Variants in KANK2 observed in about 807,000 individuals in gnomAD.
KANK2 encodes KN motif and ankyrin repeat domain-containing protein 2.
A neutral mutation model predicts 74.6 loss-of-function variants in KANK2; 41 were observed. The observed-to-expected ratio is 0.55, with a 90% CI of 0.43 to 0.71. KANK2 has a LOEUF of 0.71. Ranked by LOEUF, KANK2 falls within the 30% of genes least tolerant of loss-of-function variation. The probability of loss-of-function intolerance (pLI) is 0.00; values close to 1 mark genes in which losing one functional copy is unlikely to be tolerated. For synonymous variants in KANK2, 537 were observed against 519.0 expected, an observed-to-expected ratio of 1.03 and a Z score of -0.47; for missense variants, 1,148 against 1,196.4, an observed-to-expected ratio of 0.96 and a Z score of 0.60.
Position 11,193,154 on chromosome 19 carries a change from C to T in KANK2, c.926G>A (p.Arg309Gln), listed in dbSNP as rs200019100. The T allele has an allele frequency of 1.3e-3, 2,143 of 1,608,898 alleles. 10 individuals carry two copies. Among genetic ancestry groups the T allele is most frequent in the South Asian group, 0.01 (926 of 90,828 alleles). The change falls in exon 4 of 13, where the codon CGG (arginine) becomes CAG (glutamine). Residue 309 changes from arginine (R) to glutamine (Q), a missense_variant. Coordinates refer to ENST00000586659, the MANE Select transcript of KANK2 (RefSeq NM_001136191.3). This position sits in a 1 kb window ranked among gnomAD's most constrained non-coding sequence, Gnocchi z 9.6. ...GGCCTGGGGCTGGGGGTCAGCCTGC[C>T]GGGCCTGAGCTGCCTGCAGCTCCTG... ...ALQELQAAQA[R>Q]QADPQPQAWP...
chr19:11,175,153 G>A (rs1368745965), intron 8 of KANK2, among the ~76,000 whole-genome samples: 2 of 151,802 alleles, frequency 1.3e-5, no homozygotes, highest in African/African-American at 4.8e-5. Flanking sequence ...GAGGCTGAGT[G>A]CAGTGGTTCA....
chr19:11,172,917 C>T lies in KANK2; in HGVS notation c.2211+64G>A. ...AGACCACCTGGGTTTGGGCCTGTCACTCAGCTGGGATGTCATAAAGTAGGA... is the reference window on the plus strand; with the variant it reads ...AGACCACCTGGGTTTGGGCCTGTCATTCAGCTGGGATGTCATAAAGTAGGA... On this transcript the variant is annotated intron_variant, in intron 10 of 12. Coordinates refer to ENST00000586659, the MANE Select transcript of KANK2 (RefSeq NM_001136191.3). 1.9e-6 allele frequency: 3 copies of T among 1,566,328 alleles called. No homozygotes were observed. In the East Asian group the frequency reaches 6.7e-5, roughly 35 times the overall value.
intron 2 of KANK2, 73 bp from the exon 3 acceptor site, chr19:11,194,663 TCCACAGCTGGTTCACCCAGCCCCCC>T: frequency 1.6e-6 from 1 of 607,224 alleles, no homozygotes. Context: ...GCCAGCCCCC[TCCACAGCTGGTTCACCCAGCCCCCC>T]AACCCAGGTC....
At chr19:11,188,515 C>CTT (rs56971061) in intron 4 of KANK2, among the ~76,000 whole-genome samples, 29 of 133,354 alleles carry the variant, frequency 2.2e-4, no homozygotes, top group African/African-American at 6.3e-4. Flanking sequence ...CATGTAAATT[C>CTT]TTTTTTTTTT....
intron 4 of KANK2, among the ~76,000 whole-genome samples, chr19:11,191,909 AT>A (rs1233707706): frequency 6.6e-6 from 1 of 152,170 alleles, no homozygotes; most frequent in East Asian, 1.9e-4. Context: ...AATAAAAAAA[AT>A]TAACGAGGCA....
intron 6 of KANK2, among the ~76,000 whole-genome samples, chr19:11,177,411 A>G (rs2078377474): frequency 6.6e-6 from 1 of 151,836 alleles, no homozygotes; most frequent in Non-Finnish European, 1.5e-5. Context: ...CTAGAGTGCA[A>G]TGGTGTAATC....
intron 4 of KANK2, among the ~76,000 whole-genome samples, chr19:11,189,099 C>CT (rs2078762163): frequency 2.1e-4 from 1 of 4,762 alleles, no homozygotes; most frequent in Admixed American, 2.6e-3. Context: ...TTGATTCTCT[C>CT]CCCCCCCACC....
At chr19:11,178,889 C>T (rs1040593547) in intron 4 of KANK2, among the ~76,000 whole-genome samples, 169 bp from the exon 5 acceptor site, 2 of 152,194 alleles carry the variant, frequency 1.3e-5, no homozygotes, top group Non-Finnish European at 2.9e-5. Context: ...GATGAGGAAA[C>T]TGAGGCACAG....
At chr19:11,194,746 C>T (rs1161564117) in intron 2 of KANK2, 156 bp from the exon 3 acceptor site, 1 of 482,700 alleles carries the variant, frequency 2.1e-6, no homozygotes, top group Admixed American at 3.3e-5. Flanking sequence ...GGAAGGGCCC[C>T]CCCCGACCCC....
chr19:11,180,085 C>A (rs900343098), intron 4 of KANK2, among the ~76,000 whole-genome samples: 1 of 152,148 alleles, frequency 6.6e-6, no homozygotes, highest in Non-Finnish European at 1.5e-5. Flanking sequence ...TGGTCTTGAA[C>A]TCCTGAGCTC....
intron 4 of KANK2, among the ~76,000 whole-genome samples, chr19:11,189,603 C>CAAAAAAAAAA (rs56203270): frequency 7.0e-5 from 3 of 43,126 alleles, no homozygotes; most frequent in Non-Finnish European, 1.2e-4. Context: ...GACTCTGTCT[C>CAAAAAAAAAA]AAAAAAAAAA....
In KANK2 at chr19:11,173,879, G is replaced by A. The variant is rs78168361; in HGVS notation, c.2068+594C>T. 7.8e-4 allele frequency among the ~76,000 whole-genome samples: 119 copies of A among 152,216 alleles called. 1 individual carries two copies. The East Asian group carries it at 0.012, about 15-fold the overall frequency. On this transcript the variant is annotated intron_variant, in intron 9 of 12. Transcript: ENST00000586659. Reference sequence around the variant, plus strand: ...TCTGCCATTTGACTGGGAAGACAGCGTCTCCTCTATCAGACTGGGAGGGCC... The same window carrying A: ...TCTGCCATTTGACTGGGAAGACAGCATCTCCTCTATCAGACTGGGAGGGCC...
At chr19:11,172,342 A>C (rs2078201503) in intron 10 of KANK2, among the ~76,000 whole-genome samples, 1 of 152,190 alleles carries the variant, frequency 6.6e-6, no homozygotes, top group Non-Finnish European at 1.5e-5. Context: ...TAAATCAATA[A>C]AGATAAGGCA....
chr19:11,178,420 A>G lies in KANK2; in HGVS notation c.1445T>C (p.Ile482Thr). Residue 482 changes from isoleucine (I) to threonine (T), a missense_variant, in exon 6 of 13, where the codon ATC (isoleucine) becomes ACC (threonine). Transcript: ENST00000586659. ...TGCAACCTCCTCTTTCCGTTTCATG[A>G]TAGATCGCACGCCTGCCGGGGGCCC... ...TGGPPAGVRSIMKRKEEVADP... is the reference protein window; with the variant it reads ...TGGPPAGVRSTMKRKEEVADP... 2 of 1,591,246 alleles carry G rather than the reference A, an allele frequency of 1.3e-6. No individual in the cohort carries two copies. The highest frequency in any genetic ancestry group is 1.4e-5 in the African/African-American group (1 of 73,210).
chr19:11,178,530 C>T (rs1199961149), intron 5 of KANK2, 23 bp downstream of exon 5: 13 of 1,603,296 alleles, frequency 8.1e-6, no homozygotes, highest in African/African-American at 2.7e-5. Context: ...CCCCGTCCCT[C>T]TTGGCGGCCA....
intron 4 of KANK2, among the ~76,000 whole-genome samples, chr19:11,182,105 G>A (rs1000008457): frequency 8.6e-5 from 13 of 151,584 alleles, no homozygotes; most frequent in Non-Finnish European, 1.9e-4. Context: ...TAGTAGAGAT[G>A]GGGTTTTGCC....
chr19:11,175,456 A>AAAG (rs2078309604), intron 8 of KANK2, among the ~76,000 whole-genome samples: 1 of 148,290 alleles, frequency 6.7e-6, no homozygotes, highest in Non-Finnish European at 1.5e-5. Context: ...AAAAAAAAAA[A>AAAG]GAATTTTTTT....
chr19:11,182,736 G>A (rs2078563126), intron 4 of KANK2, among the ~76,000 whole-genome samples: 1 of 148,902 alleles, frequency 6.7e-6, no homozygotes, highest in African/African-American at 2.5e-5. Flanking sequence ...CCAGGTACTT[G>A]GGAGGCTGAG....
chr19:11,174,735 G>A, intron 8 of KANK2, 43 bp from the exon 9 acceptor site: 2 of 1,470,258 alleles, frequency 1.4e-6, no homozygotes, highest in South Asian at 1.2e-5. Flanking sequence ...GGCGGGGGAG[G>A]CCCACTGGGA....
Sources: allele counts gnomAD v4.1 joint callset (sites outside exome capture counted in the v4.1 genomes callset), GRCh38; gene constraint gnomAD v4.1.1; non-coding constraint Gnocchi (gnomAD v3.1); transcripts MANE v1.5; gene names NCBI Gene and HGNC (gene_info 2026-07-23, HGNC 2026-07-21).